PCDH15: variants seen among roughly 807,000 people sequenced by gnomAD.
The protein encoded by PCDH15 is protocadherin-15.
A neutral mutation model predicts 178.5 loss-of-function variants in PCDH15; 129 were observed. The observed-to-expected ratio is 0.72, with a 90% CI of 0.63 to 0.84. The LOEUF (loss-of-function observed/expected upper bound fraction) is 0.84, where lower values mean the gene tolerates loss of function less well. PCDH15 is among the 40% of genes least tolerant of loss of function. The pLI, the probability that PCDH15 is intolerant of heterozygous loss-of-function variation, is 0.00. For synonymous variants in PCDH15, 800 were observed against 732.0 expected, an observed-to-expected ratio of 1.09 and a Z score of -1.50; for missense variants, 2,230 against 2,099.9, an observed-to-expected ratio of 1.06 and a Z score of -1.21.
intron 2 of PCDH15, among the ~76,000 whole-genome samples, chr10:55,126,464 G>T (rs1591922655): frequency 6.6e-6 from 1 of 151,988 alleles, no homozygotes; most frequent in Non-Finnish European, 1.5e-5. Flanking sequence ...ATATACTTTG[G>T]TCTCAATAGG....
At chr10:54,277,008 C>T (rs548658509) in intron 8 of PCDH15, among the ~76,000 whole-genome samples, 85 of 151,732 alleles carry the variant, frequency 5.6e-4, no homozygotes, top group African/African-American at 2.0e-3. Flanking sequence ...AATGATCTGA[C>T]TCACAAACTT....
chr10:53,840,219 T>C (rs2077556642), intron 29 of PCDH15, 101 bp downstream of exon 29: 1 of 1,347,646 alleles, frequency 7.4e-7, no homozygotes, highest in Admixed American at 1.7e-5. Flanking sequence ...CAGTAACTAT[T>C]TGGTGGGTTT....
intron 1 of PCDH15, among the ~76,000 whole-genome samples, chr10:54,736,138 G>A: frequency 6.6e-6 from 1 of 151,938 alleles, no homozygotes; most frequent in East Asian, 1.9e-4. Context: ...CTGGCAATTG[G>A]CAAACTGGAG....
intron 8 of PCDH15, among the ~76,000 whole-genome samples, chr10:54,269,368 GA>G (rs2057904680): frequency 6.6e-6 from 1 of 152,022 alleles, no homozygotes; most frequent in Non-Finnish European, 1.5e-5. Context: ...ATAGGTTAAT[GA>G]ATCACTGTGA....
chr10:54,543,069 C>A (rs1007919779), intron 2 of PCDH15, among the ~76,000 whole-genome samples: 7 of 152,136 alleles, frequency 4.6e-5, no homozygotes, highest in Non-Finnish European at 1.0e-4. Flanking sequence ...TGGAAGGAGG[C>A]GGAGTTTGGT....
At chr10:54,894,434 A>C (rs1437033120) in intron 3 of PCDH15, among the ~76,000 whole-genome samples, 3 of 152,148 alleles carry the variant, frequency 2.0e-5, no homozygotes, top group Non-Finnish European at 2.9e-5. Flanking sequence ...GAACCACCTA[A>C]GCCAAAACAA....
chr10:55,169,684 C>T (rs2250203), intron 1 of PCDH15, among the ~76,000 whole-genome samples: 152,294 of 152,300 alleles, frequency 1, 76,144 homozygotes, highest in Non-Finnish European at 1. Flanking sequence ...AAATATGAAA[C>T]TACGTCATAT....
At chr10:55,425,671 C>CAA (rs756770818) in intron 2 of PCDH15, among the ~76,000 whole-genome samples, 7 of 148,316 alleles carry the variant, frequency 4.7e-5, no homozygotes, top group African/African-American at 1.8e-4. Context: ...CACACACACA[C>CAA]AAAAAAAAAC....
rs1391210386 is a variant in PCDH15 at position 55,622,104 on chromosome 10, AT to A, written c.-156+5520del. Among the ~76,000 whole-genome samples the A allele has an allele frequency of 4.3e-5, 3 of 68,970 alleles. No individual in the cohort carries two copies. The Admixed American group carries it at 5.0e-4, about 11-fold the overall frequency. 45.2% of individuals were successfully genotyped at this position (68,970 alleles called of 152,430 possible). A position where few individuals can be genotyped will look rare whatever the true frequency, so the allele number is the denominator to read the frequency against. ...TATAAATTATATATAATGTATATAT[AT>A]TATATATATCTATAAATATATATAT... On this transcript the variant is annotated intron_variant, in intron 2 of 5. Coordinates refer to the PCDH15 transcript ENST00000613346.
intron 22 of PCDH15, among the ~76,000 whole-genome samples, chr10:53,961,258 G>A (rs946804606): frequency 1.3e-5 from 2 of 151,558 alleles, no homozygotes; most frequent in African/African-American, 4.8e-5. Context: ...AAGTGAGTAA[G>A]GGAAAAATGA....
At chr10:54,432,284 A>G (rs1321889967) in intron 3 of PCDH15, among the ~76,000 whole-genome samples, 1 of 115,700 alleles carries the variant, frequency 8.6e-6, no homozygotes, top group East Asian at 2.0e-4. Context: ...AGAAACAAAC[A>G]AACAAAAAAA....
chr10:54,539,164 C>A (rs990660385), intron 2 of PCDH15, among the ~76,000 whole-genome samples: 2 of 152,118 alleles, frequency 1.3e-5, no homozygotes, highest in African/African-American at 4.8e-5. Context: ...TATCTAAAAG[C>A]CCTACTTAAA....
intron 8 of PCDH15, among the ~76,000 whole-genome samples, chr10:54,287,728 T>C (rs1414304736): frequency 6.6e-6 from 1 of 152,216 alleles, no homozygotes; most frequent in African/African-American, 2.4e-5. Context: ...AAGATTAATA[T>C]ACTAATTTCT....
intron 2 of PCDH15, among the ~76,000 whole-genome samples, chr10:55,454,635 A>T (rs1485827103): frequency 2.0e-5 from 3 of 150,618 alleles, no homozygotes; most frequent in Non-Finnish European, 4.4e-5. Context: ...AAAAAAAAAA[A>T]TTAGCCGGAT....
intron 3 of PCDH15, among the ~76,000 whole-genome samples, chr10:54,873,695 T>A (rs867292825): frequency 1.4e-5 from 2 of 138,928 alleles, no homozygotes; most frequent in African/African-American, 2.7e-5. Flanking sequence ...CTGCTGTATT[T>A]TATATATATA....
At chr10:54,654,698 T>C (rs1028263875) in intron 2 of PCDH15, among the ~76,000 whole-genome samples, 1 of 152,194 alleles carries the variant, frequency 6.6e-6, no homozygotes, top group Non-Finnish European at 1.5e-5. Flanking sequence ...AGTTTATAAT[T>C]ACATTTTTGC....
intron 2 of PCDH15, among the ~76,000 whole-genome samples, chr10:55,070,575 G>A (rs1331525895): frequency 6.6e-6 from 1 of 152,150 alleles, no homozygotes; most frequent in Non-Finnish European, 1.5e-5. Context: ...GTTTGTGAAA[G>A]ATCAGATAGT....
At chr10:55,331,294 T>C (rs1161264613) in intron 2 of PCDH15, among the ~76,000 whole-genome samples, 3 of 151,998 alleles carry the variant, frequency 2.0e-5, no homozygotes, top group African/African-American at 7.2e-5. Context: ...TGTAGTACTG[T>C]AGGTGATGTG....
At chr10:53,978,378 C>T (rs545876381) in intron 21 of PCDH15, among the ~76,000 whole-genome samples, 8 of 152,254 alleles carry the variant, frequency 5.3e-5, no homozygotes, top group South Asian at 4.1e-4. Flanking sequence ...TCTTCTGAAG[C>T]GATGGCCTGA....
Sources: gnomAD v4.1 joint callset for allele counts (sites outside exome capture counted in the v4.1 genomes callset) on GRCh38, gnomAD v4.1.1 for gene constraint, MANE v1.5 for transcripts, NCBI Gene and HGNC (gene_info 2026-07-23, HGNC 2026-07-21) for gene names.